BCKDHB: variants seen among roughly 807,000 people sequenced by gnomAD.
BCKDHB encodes the protein branched chain keto acid dehydrogenase E1 subunit beta.
A neutral mutation model predicts 48.5 loss-of-function variants in BCKDHB; 41 were observed. That is an observed-to-expected ratio of 0.85 (90% CI 0.66 to 1.10). BCKDHB has a LOEUF of 1.10. BCKDHB is among the 50% of genes least tolerant of loss of function. BCKDHB has a pLI of 0.00. For missense variants in BCKDHB, 496 were observed against 494.2 expected, an observed-to-expected ratio of 1.00 and a Z score of -0.03; for synonymous variants, 201 against 174.8, an observed-to-expected ratio of 1.15 and a Z score of -1.18.
chr6:80,295,443 C>T lies in BCKDHB; in HGVS notation c.1038+22222C>T, dbSNP rs369462569. Among the ~76,000 whole-genome samples, 15 of 152,106 alleles carry T rather than the reference C, an allele frequency of 9.9e-5. 1 individual carries two copies. In the South Asian group the frequency reaches 2.9e-3, roughly 30 times the overall value. The stretch of plus-strand genomic sequence containing the variant: ...CGTCAGATCTCATGATACTTACTCA[C>T]TATCACAGAACAGCATGGAAAAGAC... On this transcript the variant is annotated intron_variant, in intron 9 of 9. Coordinates refer to ENST00000320393, the MANE Select transcript of BCKDHB (RefSeq NM_183050.4).
At chr6:80,388,518 C>T in the BCKDHB span, among the ~76,000 whole-genome samples, 1 of 152,142 alleles carries the variant, frequency 6.6e-6, no homozygotes, top group African/African-American at 2.4e-5. Context: ...GAACTGGGTG[C>T]TTTCTGACCC....
At chr6:80,382,985 C>T in the BCKDHB span, among the ~76,000 whole-genome samples, 3 of 152,072 alleles carry the variant, frequency 2.0e-5, no homozygotes, top group Non-Finnish European at 2.9e-5. Flanking sequence ...TCACAGTGGC[C>T]GGTAATAACC....
chr6:80,213,576 A>G (rs1649395356), intron 8 of BCKDHB, among the ~76,000 whole-genome samples: 1 of 152,014 alleles, frequency 6.6e-6, no homozygotes, highest in African/African-American at 2.4e-5. Flanking sequence ...ACACCCTGTT[A>G]CAAGATACTG....
intron 9 of BCKDHB, among the ~76,000 whole-genome samples, chr6:80,305,250 TA>T (rs1453712235): frequency 1.3e-5 from 2 of 152,104 alleles, no homozygotes; most frequent in Non-Finnish European, 2.9e-5. Context: ...GGATAATCTT[TA>T]AAAAATCATT....
chr6:80,128,802 T>A (rs544521930), intron 2 of BCKDHB, among the ~76,000 whole-genome samples: 1 of 152,226 alleles, frequency 6.6e-6, no homozygotes, highest in South Asian at 2.1e-4. Flanking sequence ...CTGGGGATGA[T>A]CTTAGTCTCC....
At chr6:80,340,085 G>A (rs1052554174) in intron 9 of BCKDHB, among the ~76,000 whole-genome samples, 10 of 152,074 alleles carry the variant, frequency 6.6e-5, no homozygotes, top group Non-Finnish European at 1.3e-4. Flanking sequence ...CCCATGCCTG[G>A]TTTATTATTA....
intron 8 of BCKDHB, among the ~76,000 whole-genome samples, chr6:80,250,760 G>T (rs1776805788): frequency 6.6e-6 from 1 of 152,110 alleles, no homozygotes; most frequent in Non-Finnish European, 1.5e-5. Context: ...AGAGTCCATG[G>T]CACAGTGGAT....
intron 1 of BCKDHB, among the ~76,000 whole-genome samples, chr6:80,109,678 A>T (rs866987232): frequency 2.5e-4 from 38 of 152,202 alleles, no homozygotes; most frequent in African/African-American, 9.2e-4. Context: ...TTTTTACTTA[A>T]GAATTGAATA....
intron 9 of BCKDHB, among the ~76,000 whole-genome samples, chr6:80,286,562 T>G (rs745881441): frequency 9.2e-5 from 14 of 152,314 alleles, no homozygotes; most frequent in Non-Finnish European, 1.5e-4. Context: ...ATTATTTTCC[T>G]TAGGGACAAA....
chr6:80,307,060 A>G (rs144196307), intron 9 of BCKDHB, among the ~76,000 whole-genome samples: 3 of 152,290 alleles, frequency 2.0e-5, no homozygotes, highest in Non-Finnish European at 2.9e-5. Context: ...TAAGTTACAT[A>G]ACTAGTAGCT....
At chr6:80,359,634 G>T in the BCKDHB span, among the ~76,000 whole-genome samples, 1 of 152,192 alleles carries the variant, frequency 6.6e-6, no homozygotes, top group South Asian at 2.1e-4. Flanking sequence ...TCCCTCTGTC[G>T]CCAAGGCTGG....
chr6:80,272,854 C>T (rs1317659703), intron 8 of BCKDHB, among the ~76,000 whole-genome samples: 2 of 151,840 alleles, frequency 1.3e-5, no homozygotes, highest in African/African-American at 2.4e-5. Flanking sequence ...ACGTATCTTA[C>T]AATAATGGGT....
chr6:80,410,272 GC>G, the BCKDHB span, among the ~76,000 whole-genome samples: 2 of 152,074 alleles, frequency 1.3e-5, no homozygotes, highest in African/African-American at 4.8e-5. Flanking sequence ...TTGAATACTG[GC>G]CCCCACATTC....
At chr6:80,222,355 C>T (rs1426701275) in intron 8 of BCKDHB, among the ~76,000 whole-genome samples, 1 of 152,148 alleles carries the variant, frequency 6.6e-6, no homozygotes, top group Non-Finnish European at 1.5e-5. Context: ...TAATTGGCAG[C>T]TATGAATCTT....
At position 80,344,152 on chromosome 6, in the gene BCKDHB, C is replaced by G. The variant is rs1770068380; in HGVS notation, c.*348C>G. ...GCTGAGTAGTTGGGATTACAGGCGC[C>G]CACCACCATGCCCAGCTAATTTTTG... On this transcript the variant is annotated 3_prime_UTR_variant, in exon 10 of 10. Transcript: ENST00000320393. 1.6e-5 allele frequency: 5 copies of G among 308,542 alleles called. No homozygotes were observed. The Admixed American group carries it at 2.2e-4, about 14-fold the overall frequency. 19.1% of individuals were successfully genotyped at this position (308,542 alleles called of 1,614,324 possible).
chr6:80,464,030 CTTAG>C, the BCKDHB span, among the ~76,000 whole-genome samples: 2 of 151,602 alleles, frequency 1.3e-5, no homozygotes, highest in African/African-American at 2.4e-5. Context: ...CCACTCCAGT[CTTAG>C]TTAGGTGCCC....
At chr6:80,241,949 A>G (rs1239611171) in intron 8 of BCKDHB, among the ~76,000 whole-genome samples, 1 of 152,182 alleles carries the variant, frequency 6.6e-6, no homozygotes, top group Non-Finnish European at 1.5e-5. Context: ...TTATTTGGCT[A>G]AGAAACCTTT....
At chr6:80,342,155 A>C (rs1463806633) in intron 9 of BCKDHB, among the ~76,000 whole-genome samples, 1 of 152,178 alleles carries the variant, frequency 6.6e-6, no homozygotes, top group South Asian at 2.1e-4. Context: ...TACACTTGTC[A>C]CTGGAAGAAA....
intron 9 of BCKDHB, among the ~76,000 whole-genome samples, chr6:80,340,627 TG>T (rs1769839148): frequency 6.6e-6 from 1 of 152,250 alleles, no homozygotes; most frequent in African/African-American, 2.4e-5. Context: ...TTTTAAGTTA[TG>T]GAACAGAAGA....
Sources: allele counts gnomAD v4.1 joint callset (sites outside exome capture counted in the v4.1 genomes callset), GRCh38; gene constraint gnomAD v4.1.1; transcripts MANE v1.5; gene names NCBI Gene and HGNC (gene_info 2026-07-23, HGNC 2026-07-21).